DYSF: variants seen among roughly 807,000 people sequenced by gnomAD.
DYSF encodes dystrophy-associated fer-1-like 1.
DYSF carries 212 observed loss-of-function variants against 274.9 expected under a neutral mutation model. That is an observed-to-expected ratio of 0.77 (90% CI 0.69 to 0.86). DYSF has a LOEUF of 0.86. Ranked by LOEUF, DYSF falls within the 40% of genes least tolerant of loss-of-function variation. The pLI, the probability that DYSF is intolerant of heterozygous loss-of-function variation, is 0.00. For missense variants in DYSF, 2,666 were observed against 2,783.2 expected (o/e 0.96, Z 0.95); for synonymous variants, 1,091 against 1,078.7 (o/e 1.01, Z -0.22).
intron 32 of DYSF, among the ~76,000 whole-genome samples, chr2:71,594,928 G>A (rs2093365369): frequency 6.6e-6 from 1 of 152,206 alleles, no homozygotes; most frequent in Non-Finnish European, 1.5e-5. Context: ...ACTCTTAAGA[G>A]CCTGGATTAT....
intron 43 of DYSF, among the ~76,000 whole-genome samples, chr2:71,658,046 T>C (rs1005583909): frequency 1.3e-5 from 2 of 152,222 alleles, no homozygotes; most frequent in African/African-American, 4.8e-5. Flanking sequence ...ATGCTCTGTT[T>C]CCCTTTTAAA....
chr2:71,484,344 T>A (rs1015034027), intron 3 of DYSF, among the ~76,000 whole-genome samples: 1 of 152,142 alleles, frequency 6.6e-6, no homozygotes, highest in Non-Finnish European at 1.5e-5. Flanking sequence ...TGAGCCACCA[T>A]GCCTGGCCAG....
chr2:71,646,612 C>T (rs1463652816), intron 42 of DYSF, among the ~76,000 whole-genome samples: 1 of 152,030 alleles, frequency 6.6e-6, no homozygotes. Flanking sequence ...AAATCACTAG[C>T]ATAGGGGGAC....
chr2:71,577,869 C>G (rs576034184), intron 30 of DYSF, among the ~76,000 whole-genome samples: 1 of 152,134 alleles, frequency 6.6e-6, no homozygotes, highest in Non-Finnish European at 1.5e-5. Context: ...TGCTAGGACC[C>G]GGCTTCTGTC....
chr2:71,534,112 A>G (rs1280671165), intron 14 of DYSF, among the ~76,000 whole-genome samples: 2 of 152,216 alleles, frequency 1.3e-5, no homozygotes, highest in African/African-American at 2.4e-5. Context: ...TGGGTGGACC[A>G]GGAATGGAGA....
chr2:71,598,798 A>C lies in DYSF; in HGVS notation c.3756+53A>C, dbSNP rs1413780710. On this transcript the variant is annotated intron_variant, in intron 33 of 55. Coordinates refer to ENST00000410020, the MANE Select transcript of DYSF (RefSeq NM_001130987.2). ...CCCTCACAGGGAGGGACCATGTGCA[A>C]AGGTGGGGTCTCCAGGGACTCGTGG... 4 of 1,597,702 alleles carry C rather than the reference A, an allele frequency of 2.5e-6. No homozygotes were observed. In the African/African-American group the frequency reaches 5.3e-5, roughly 21 times the overall value.
At chr2:71,542,259 CATT>C (rs1307368333) in intron 17 of DYSF, among the ~76,000 whole-genome samples, 3 of 152,214 alleles carry the variant, frequency 2.0e-5, no homozygotes, top group African/African-American at 4.8e-5. Context: ...TGTTTATCAT[CATT>C]AAGATGGGCT....
rs75832806 is a variant in DYSF at position 71,556,655 on chromosome 2, C to A, written c.2216+584C>A. Among the ~76,000 whole-genome samples, 1,272 of 152,186 alleles carry A rather than the reference C, an allele frequency of 8.4e-3. 18 individuals carry two copies. Among genetic ancestry groups the A allele is most frequent in the African/African-American group, 0.029 (1,223 of 41,520 alleles). ...ATATCTTCTAAACAAAGTGCCTGGC[C>A]CTTGGGAAGGATTTAATAAATGGTA... On this transcript the variant is annotated intron_variant, in intron 22 of 55. Transcript: ENST00000410020.
Position 71,503,221 on chromosome 2 carries a change from G to A in DYSF, c.247G>A (p.Gly83Arg), listed in dbSNP as rs780227798. The change falls in exon 4 of 56, where the codon GGG (glycine) becomes AGG (arginine). Residue 83 changes from glycine to arginine, a missense_variant. Transcript: ENST00000410020. ...ACTTCTCTCTCCTCTCAGGTTCCTG[G>A]GGGAAGCCAAGGTCCCACTCCGAGA... ...HETMGRNRFL[G>R]EAKVPLREVL... 9 of 1,613,984 alleles carry A rather than the reference G, an allele frequency of 5.6e-6. No individual in the cohort carries two copies. The highest frequency in any genetic ancestry group is 1.3e-5 in the African/African-American group (1 of 74,986).
chr2:71,526,204 T>G lies in DYSF; in HGVS notation c.1150-16T>G. 1 of 1,614,210 alleles carries G rather than the reference T, an allele frequency of 6.2e-7. No homozygotes were observed. Among genetic ancestry groups the G allele is most frequent in the East Asian group, 2.2e-5 (1 of 44,882 alleles). ...TCAGGAGCGCATGAAGGAATCGTATTTGGTTTTCTTTGTAGCTGGAGAGAA... is the reference window on the plus strand; with the variant it reads ...TCAGGAGCGCATGAAGGAATCGTATGTGGTTTTCTTTGTAGCTGGAGAGAA... On this transcript the variant is annotated splice_polypyrimidine_tract_variant and intron_variant, in intron 12 of 55. Coordinates refer to ENST00000410020, the MANE Select transcript of DYSF (RefSeq NM_001130987.2).
At chr2:71,635,529 T>C (rs895498341) in intron 41 of DYSF, among the ~76,000 whole-genome samples, 2 of 152,012 alleles carry the variant, frequency 1.3e-5, no homozygotes, top group African/African-American at 2.4e-5. Context: ...GGGTGGATCA[T>C]GTGAGGCCAG....
intron 26 of DYSF, among the ~76,000 whole-genome samples, chr2:71,569,029 C>T (rs373237081): frequency 1.4e-4 from 22 of 152,128 alleles, no homozygotes; most frequent in African/African-American, 4.3e-4. Context: ...CCTGCCACTA[C>T]GCCCAGCTAA....
chr2:71,633,576 T>A (rs1005586691), intron 41 of DYSF, among the ~76,000 whole-genome samples: 2 of 152,194 alleles, frequency 1.3e-5, no homozygotes, highest in African/African-American at 4.8e-5. Flanking sequence ...GTTGTTATGT[T>A]ACTATCTTGA....
In DYSF at chr2:71,661,241, A is replaced by G. The variant is rs1340543271; in HGVS notation, c.5003+590A>G. Among the ~76,000 whole-genome samples the G allele has an allele frequency of 2.6e-5, 4 of 151,782 alleles. No homozygotes were observed. The East Asian group carries it at 5.8e-4, about 22-fold the overall frequency. On this transcript the variant is annotated intron_variant, in intron 45 of 55. Coordinates refer to ENST00000410020, the MANE Select transcript of DYSF (RefSeq NM_001130987.2). ...ACTTTGGAATAATTTTAGATTTACT[A>G]AACAGTTACAGAGACAGTGCATAAT...
chr2:71,492,734 C>T (rs1344463938), intron 3 of DYSF, among the ~76,000 whole-genome samples: 3 of 123,874 alleles, frequency 2.4e-5, no homozygotes, highest in Non-Finnish European at 4.9e-5. Context: ...TCTCTCCCTT[C>T]TTGTTTCTCC....
In DYSF at chr2:71,589,456, T is replaced by G. The variant is rs908094359; in HGVS notation, c.3403-137T>G. Reference sequence around the variant, plus strand: ...TTAGGAGAGGTTGAGCTCCCCAGAATGAAATTAGAGGCTGAGAGTTCAGCT... The same window carrying G: ...TTAGGAGAGGTTGAGCTCCCCAGAAGGAAATTAGAGGCTGAGAGTTCAGCT... On this transcript the variant is annotated intron_variant, in intron 30 of 55. Transcript: ENST00000410020. 5.5e-6 allele frequency: 4 copies of G among 727,758 alleles called. No homozygotes were observed. In the African/African-American group the frequency reaches 7.0e-5, roughly 13 times the overall value. 45.1% of individuals were successfully genotyped at this position (727,758 alleles called of 1,614,324 possible).
Position 71,513,334 on chromosome 2 carries a change from T to G in DYSF, c.553+2T>G, listed in dbSNP as rs1573638501. 6.4e-7 allele frequency: 1 copy of G among 1,550,950 alleles called. No homozygotes were observed. Among genetic ancestry groups the G allele is most frequent in the Non-Finnish European group, 8.7e-7 (1 of 1,146,834 alleles). On this transcript the variant is annotated splice_donor_variant, in intron 6 of 55. Coordinates refer to ENST00000410020, the MANE Select transcript of DYSF (RefSeq NM_001130987.2). LOFTEE classifies it high-confidence loss of function. ...GAAAGAAGTGGCCGGCCCCCACGGG[T>G]GAGACACGGGCCAGGACTGTCCTGA...
At chr2:71,611,072 G>A (rs910567687) in intron 36 of DYSF, among the ~76,000 whole-genome samples, 173 bp from the exon 37 acceptor site, 3 of 152,188 alleles carry the variant, frequency 2.0e-5, no homozygotes, top group East Asian at 1.9e-4. Context: ...ATGCCTGGCC[G>A]AAACTGACTT....
chr2:71,460,350 C>T (rs1437577509), intron 1 of DYSF, among the ~76,000 whole-genome samples: 2 of 152,208 alleles, frequency 1.3e-5, no homozygotes, highest in East Asian at 3.9e-4. Flanking sequence ...CCCTTCTGCT[C>T]ATATTCTGTT....
Sources: gnomAD v4.1 joint callset for allele counts (sites outside exome capture counted in the v4.1 genomes callset) on GRCh38, gnomAD v4.1.1 for gene constraint, MANE v1.5 for transcripts, NCBI Gene and HGNC (gene_info 2026-07-23, HGNC 2026-07-21) for gene names.